Variants in CCSER1 observed in about 807,000 individuals in gnomAD.
CCSER1 encodes coiled-coil serine rich protein 1, also known as serine-rich coiled-coil domain-containing protein 1.
Under a neutral mutation model 82.0 loss-of-function variants are expected in CCSER1, and 41 were observed. That is an observed-to-expected ratio of 0.50 (90% CI 0.39 to 0.65). The LOEUF is 0.65. Among genes scored for constraint, CCSER1 ranks in the 30% least tolerant of loss-of-function variants. CCSER1 has a pLI of 0.00. For synonymous variants in CCSER1, 414 were observed against 383.9 expected (o/e 1.08, Z -0.92); for missense variants, 1,119 against 1,064.2 (o/e 1.05, Z -0.72).
chr4:90,664,550 A>G (rs1464829355), intron 6 of CCSER1, among the ~76,000 whole-genome samples: 2 of 152,330 alleles, frequency 1.3e-5, no homozygotes, highest in Admixed American at 6.5e-5. Context: ...AAATAATTTC[A>G]TAAATTTAGA....
chr4:91,296,498 A>G (rs893418789), intron 10 of CCSER1, among the ~76,000 whole-genome samples: 4 of 117,662 alleles, frequency 3.4e-5, no homozygotes, highest in African/African-American at 1.2e-4. Flanking sequence ...TTAATTAAAT[A>G]TACAGTTATC....
chr4:90,581,748 G>A (rs983165145), intron 5 of CCSER1, among the ~76,000 whole-genome samples: 32 of 152,056 alleles, frequency 2.1e-4, no homozygotes, highest in Non-Finnish European at 1.6e-4. Flanking sequence ...TTACTCATCT[G>A]TATTTTGAGT....
intron 10 of CCSER1, among the ~76,000 whole-genome samples, chr4:91,593,308 G>C (rs1411637771): frequency 6.6e-6 from 1 of 151,834 alleles, no homozygotes; most frequent in Non-Finnish European, 1.5e-5. Flanking sequence ...ATGCAATGTT[G>C]GTGCTACATT....
chr4:90,956,250 C>T (rs1733421407), intron 9 of CCSER1, among the ~76,000 whole-genome samples: 1 of 152,098 alleles, frequency 6.6e-6, no homozygotes, highest in Non-Finnish European at 1.5e-5. Context: ...CATTATTATA[C>T]AGTGGTTTCA....
At chr4:90,810,370 A>G (rs59998165) in intron 7 of CCSER1, among the ~76,000 whole-genome samples, 51,727 of 152,026 alleles carry the variant, frequency 0.34, 9,017 homozygotes, top group East Asian at 0.42. Context: ...CAGTGAGGCC[A>G]GGAACAGTGG....
At position 90,652,250 on chromosome 4, in the gene CCSER1, G is replaced by A. The variant is rs180756657; in HGVS notation, c.1932+24018G>A. Among the ~76,000 whole-genome samples the A allele has an allele frequency of 2.6e-4, 40 of 152,168 alleles. No individual in the cohort carries two copies. The East Asian group carries it at 7.1e-3, about 27-fold the overall frequency. On this transcript the variant is annotated intron_variant, in intron 6 of 10. Transcript: ENST00000509176. ...AAAAACACTTAGGAATATAATTTTTGTATTTCAGGATGATTAAACATGCAG... is the reference window on the plus strand; with the variant it reads ...AAAAACACTTAGGAATATAATTTTTATATTTCAGGATGATTAAACATGCAG...
At chr4:91,022,669 C>G (rs1449095514) in intron 9 of CCSER1, among the ~76,000 whole-genome samples, 3 of 152,156 alleles carry the variant, frequency 2.0e-5, no homozygotes, top group Non-Finnish European at 4.4e-5. Flanking sequence ...TCTCCAGCAC[C>G]TGTTGTTTCC....
chr4:91,463,300 A>C (rs1442599803), intron 10 of CCSER1, among the ~76,000 whole-genome samples: 1 of 152,230 alleles, frequency 6.6e-6, no homozygotes, highest in Non-Finnish European at 1.5e-5. Flanking sequence ...GAGGGTGCTG[A>C]CTGTTAGAAG....
chr4:91,110,530 A>G (rs1041082623), intron 10 of CCSER1, among the ~76,000 whole-genome samples: 1 of 152,048 alleles, frequency 6.6e-6, no homozygotes, highest in Non-Finnish European at 1.5e-5. Flanking sequence ...ATAGTGGCCT[A>G]TTCACGGAGA....
intron 1 of CCSER1, among the ~76,000 whole-genome samples, chr4:90,279,227 C>T (rs2153459450): frequency 6.6e-6 from 1 of 151,992 alleles, no homozygotes; most frequent in South Asian, 2.1e-4. Flanking sequence ...AATTAATATA[C>T]AGATATACGG....
intron 10 of CCSER1, among the ~76,000 whole-genome samples, chr4:91,557,427 G>A (rs1045094808): frequency 4.6e-5 from 7 of 151,238 alleles, no homozygotes; most frequent in African/African-American, 1.7e-4. Flanking sequence ...TATCTTCTAT[G>A]TGGCAGGCAC....
intron 8 of CCSER1, among the ~76,000 whole-genome samples, chr4:90,817,973 A>G (rs1005422342): frequency 1.3e-5 from 2 of 152,144 alleles, no homozygotes; most frequent in Non-Finnish European, 2.9e-5. Context: ...ATACCCTACT[A>G]TATACTACAG....
chr4:90,159,823 G>A (rs988863681), intron 1 of CCSER1, among the ~76,000 whole-genome samples: 1 of 152,170 alleles, frequency 6.6e-6, no homozygotes, highest in Non-Finnish European at 1.5e-5. Context: ...ATAGTAAATA[G>A]TGCCTAACAT....
chr4:90,505,327 TC>T (rs1294531152), intron 5 of CCSER1, among the ~76,000 whole-genome samples: 1 of 152,014 alleles, frequency 6.6e-6, no homozygotes, highest in Non-Finnish European at 1.5e-5. Context: ...TACGGCCACT[TC>T]CCCATCTGTC....
intron 7 of CCSER1, chr4:90,781,627 T>C: frequency 1.0e-6 from 1 of 974,196 alleles, no homozygotes; most frequent in Non-Finnish European, 1.2e-6. Context: ...TAATACTTTT[T>C]TTCTGTGTTC....
chr4:90,747,496 G>A (rs893387619), intron 7 of CCSER1, among the ~76,000 whole-genome samples: 1 of 152,150 alleles, frequency 6.6e-6, no homozygotes, highest in Non-Finnish European at 1.5e-5. Flanking sequence ...AAAAAAAAGA[G>A]AGGTGGAGGG....
At position 90,746,903 on chromosome 4, in the gene CCSER1, T is replaced by C. The variant is rs1747572197; in HGVS notation, c.2010+22912T>C. 2.0e-5 allele frequency among the ~76,000 whole-genome samples: 3 copies of C among 152,186 alleles called. No homozygotes were observed. The South Asian group carries it at 6.2e-4, about 31-fold the overall frequency. ...TTGCAATGCTGGTAAATGACCAAAA[T>C]GGCATTTCAACTCAGGTCCTAAAAA... On this transcript the variant is annotated intron_variant, in intron 7 of 10. Coordinates refer to ENST00000509176, the MANE Select transcript of CCSER1 (RefSeq NM_001145065.2).
intron 10 of CCSER1, among the ~76,000 whole-genome samples, chr4:91,474,569 C>G (rs1757459969): frequency 6.6e-6 from 1 of 151,234 alleles, no homozygotes; most frequent in African/African-American, 2.4e-5. Flanking sequence ...ATACAAGTCG[C>G]AAACCAAGAT....
At chr4:91,348,061 G>C (rs1748188723) in intron 10 of CCSER1, among the ~76,000 whole-genome samples, 1 of 152,012 alleles carries the variant, frequency 6.6e-6, no homozygotes, top group African/African-American at 2.4e-5. Context: ...CCTGATATTA[G>C]CAGGAAAAGC....
Sources: allele counts gnomAD v4.1 joint callset (sites outside exome capture counted in the v4.1 genomes callset), GRCh38; gene constraint gnomAD v4.1.1; transcripts MANE v1.5; gene names NCBI Gene and HGNC (gene_info 2026-07-23, HGNC 2026-07-21).